RHBG: variants seen among roughly 807,000 people sequenced by gnomAD.
RHBG encodes the protein ammonium transporter Rh type B.
A neutral mutation model predicts 40.1 loss-of-function variants in RHBG; 39 were observed. That is an observed-to-expected ratio of 0.97 (90% CI 0.75 to 1.27). RHBG has a LOEUF of 1.27. Ranked by LOEUF, RHBG falls within the 50% of genes most tolerant of loss-of-function variation. RHBG has a pLI of 0.00. For synonymous variants in RHBG, 237 were observed against 252.5 expected (o/e 0.94, Z 0.58); for missense variants, 549 against 588.1 (o/e 0.93, Z 0.69).
rs1365517280 is a variant in RHBG at position 156,381,913 on chromosome 1, T to G, written c.948T>G (p.Thr316=). The change falls in exon 6 of 10, where the codon ACT becomes ACG. Residue 316 remains threonine (T), a synonymous_variant. Transcript: ENST00000537040. ...GALAAGFLAG[T]VSTLGYKFFT... ...TGGCAGCTGGCTTCTTGGCTGGGAC[T>G]GTCTCCACGCTGGGGTACAAGTTCT... The G allele has an allele frequency of 8.1e-6, 13 of 1,610,696 alleles. No homozygotes were observed. The highest frequency in any genetic ancestry group is 1.6e-4 in the Middle Eastern group (1 of 6,072).
chr1:156,382,718 C>T, intron 7 of RHBG, 30 bp from the exon 8 acceptor site: 1 of 1,613,454 alleles, frequency 6.2e-7, no homozygotes, highest in Non-Finnish European at 8.5e-7. Flanking sequence ...CTCCCTACCC[C>T]TGCCTTTCCT....
At chr1:156,384,319 T>G (rs1430490153) in intron 8 of RHBG, 7 of 646,176 alleles carry the variant, frequency 1.1e-5, no homozygotes, top group Admixed American at 4.9e-5. Flanking sequence ...AGGGTTGTTG[T>G]GATTACTCAG....
intron 8 of RHBG, 70 bp downstream of exon 8, chr1:156,382,939 CAT>C: frequency 6.3e-7 from 1 of 1,598,366 alleles, no homozygotes; most frequent in Non-Finnish European, 8.6e-7. Flanking sequence ...TTCATTCACT[CAT>C]AGATATTTAT....
intron 5 of RHBG, 99 bp from the exon 6 acceptor site, chr1:156,381,707 G>A (rs1667648974): frequency 2.0e-6 from 3 of 1,479,374 alleles, no homozygotes; most frequent in Admixed American, 4.6e-5. Context: ...GATGGCAGAG[G>A]GACTTCCAGA....
intron 4 of RHBG, 67 bp downstream of exon 4, chr1:156,378,466 G>T: frequency 1.3e-6 from 2 of 1,514,406 alleles, no homozygotes; most frequent in East Asian, 2.3e-5. Flanking sequence ...GGCCAGAGGT[G>T]ACTGTCTCTC....
chr1:156,370,990 A>G (rs1334830246), intron 1 of RHBG, among the ~76,000 whole-genome samples: 1 of 151,534 alleles, frequency 6.6e-6, no homozygotes, highest in East Asian at 2.0e-4. Flanking sequence ...AGAGCACCAG[A>G]TCTCCCAGAA....
intron 8 of RHBG, 50 bp downstream of exon 8, chr1:156,382,919 C>A: frequency 6.2e-7 from 1 of 1,611,214 alleles, no homozygotes; most frequent in Non-Finnish European, 8.5e-7. Flanking sequence ...TCCTATAAGC[C>A]TGACATGAAT....
At chr1:156,370,630 A>AG (rs1342972624) in intron 1 of RHBG, among the ~76,000 whole-genome samples, 7 of 150,612 alleles carry the variant, frequency 4.6e-5, no homozygotes, top group African/African-American at 1.7e-4. Context: ...AAAAAAAAAA[A>AG]AAAAAAAAAA....
At chr1:156,380,112 CTTTT>C (rs67037881) in intron 4 of RHBG, among the ~76,000 whole-genome samples, 1 of 130,116 alleles carries the variant, frequency 7.7e-6, no homozygotes, top group Non-Finnish European at 1.6e-5. Flanking sequence ...CTTTCTTTTT[CTTTT>C]TTTTTTTTTT....
Position 156,384,876 on chromosome 1 carries a change from C to T in RHBG, c.*31C>T. 1 of 1,436,598 alleles carries T rather than the reference C, an allele frequency of 7.0e-7. No homozygotes were observed. Among genetic ancestry groups the T allele is most frequent in the Non-Finnish European group, 9.7e-7 (1 of 1,030,362 alleles). 89.0% of individuals were successfully genotyped at this position (1,436,598 alleles called of 1,614,324 possible). A position where few individuals can be genotyped will look rare whatever the true frequency, so the allele number is the denominator to read the frequency against. ...TGCCAGCCCCTGAGAGGACACGCTC[C>T]TTTTCGAAGATGCTGACTGGCTGCT... is the stretch of plus-strand genomic sequence containing the variant. On this transcript the variant is annotated 3_prime_UTR_variant, in exon 10 of 10. Transcript: ENST00000537040.
At chr1:156,371,186 G>A (rs1475150713) in intron 1 of RHBG, 2 of 410,172 alleles carry the variant, frequency 4.9e-6, no homozygotes, top group Non-Finnish European at 9.4e-6. Flanking sequence ...TTTTAGAAGA[G>A]TCTCACTCTG....
rs746534841 is a variant in RHBG, at chr1:156,385,003, G to A, written c.*158G>A. 1.4e-5 allele frequency: 8 copies of A among 580,710 alleles called. No homozygotes were observed. Among genetic ancestry groups the A allele is most frequent in the Non-Finnish European group, 2.5e-5 (8 of 323,554 alleles). The allele number at this position is 580,710 out of a possible 1,614,324, so 36.0% of individuals were successfully genotyped here. A position where few individuals can be genotyped will look rare whatever the true frequency, so the allele number is the denominator to read the frequency against. Reference sequence around the variant, plus strand: ...ACAGGCAGCGTCTCCACAGGGAGAGGGGCAACAGGAGGCTGGGAAATGGTG... The same window carrying A: ...ACAGGCAGCGTCTCCACAGGGAGAGAGGCAACAGGAGGCTGGGAAATGGTG... On this transcript the variant is annotated 3_prime_UTR_variant, in exon 10 of 10. Transcript: ENST00000537040.
At chr1:156,375,156 C>T (rs1382810311) in intron 1 of RHBG, among the ~76,000 whole-genome samples, 3 of 152,004 alleles carry the variant, frequency 2.0e-5, no homozygotes, top group South Asian at 2.1e-4. Flanking sequence ...ACTGTAACCT[C>T]CACCTCCCGG....
rs1667050079 is a variant in RHBG at position 156,374,424 on chromosome 1, G to A, written c.188-2877G>A. ...CTATTCCCCCTTCCCCCACTCTTCT[G>A]TCTTTATTATCCTTTGTTCTACTTT... is the stretch of plus-strand genomic sequence containing the variant. On this transcript the variant is annotated intron_variant, in intron 1 of 9. Coordinates refer to ENST00000537040, the MANE Select transcript of RHBG (RefSeq NM_020407.5). Among the ~76,000 whole-genome samples the A allele has an allele frequency of 1.3e-5, 2 of 151,992 alleles. 1 individual carries two copies. Among genetic ancestry groups the A allele is most frequent in the South Asian group, 4.1e-4 (2 of 4,822 alleles).
In RHBG at chr1:156,369,358, A is replaced by C. The variant is rs567659313; in HGVS notation, c.109A>C (p.Asn37His). 231 of 1,614,142 alleles carry C rather than the reference A, an allele frequency of 1.4e-4. No homozygotes were observed. The East Asian group carries it at 3.6e-3, about 25-fold the overall frequency. The change falls in exon 1 of 10, where the codon AAC becomes CAC. Residue 37 changes from asparagine (N) to histidine (H), a missense_variant. Physicochemically the swap from Asn to His is moderately conservative, Grantham distance 68. Coordinates refer to ENST00000537040, the MANE Select transcript of RHBG (RefSeq NM_020407.5). ...CCTCTTTGCTGTCTTTGTCCGCTAC[A>C]ACCACAAAACCGACGCTGCCCTCTG... ...AVLFAVFVRYNHKTDAALWHR... is the reference protein window; with the variant it reads ...AVLFAVFVRYHHKTDAALWHR...
chr1:156,370,106 A>C (rs1013234144), intron 1 of RHBG, among the ~76,000 whole-genome samples: 1 of 152,100 alleles, frequency 6.6e-6, no homozygotes, highest in Non-Finnish European at 1.5e-5. Flanking sequence ...TGAGGTCAGG[A>C]GTTCAAGGCC....
intron 8 of RHBG, among the ~76,000 whole-genome samples, chr1:156,383,230 C>A (rs1467839258): frequency 6.6e-6 from 1 of 152,152 alleles, no homozygotes; most frequent in Non-Finnish European, 1.5e-5. Flanking sequence ...AGATGGCCTG[C>A]CACTTCCAGA....
chr1:156,384,372 T>G, intron 8 of RHBG, 155 bp from the exon 9 acceptor site: 1 of 748,830 alleles, frequency 1.3e-6, no homozygotes. Flanking sequence ...GCCTGGCACA[T>G]AGTAGATGCT....
In RHBG at chr1:156,381,443, C is replaced by T. The variant is rs1261405553; in HGVS notation, c.770C>T (p.Ser257Phe). The T allele has an allele frequency of 6.2e-7, 1 of 1,614,086 alleles. No homozygotes were observed. Among genetic ancestry groups the T allele is most frequent in the East Asian group, 2.2e-5 (1 of 44,866 alleles). The change falls in exon 5 of 10, where the codon TCC becomes TTC. Residue 257 changes from serine (S) to phenylalanine (F), a missense_variant. By Grantham distance (155) the Ser-to-Phe change is radical (BLOSUM62 -2). Coordinates refer to ENST00000537040, the MANE Select transcript of RHBG (RefSeq NM_020407.5). ...CGGACGGCCCTCAACACATACTACT[C>T]CCTGGCTGCCAGCACCCTTGGCACC... ...QHRTALNTYY[S>F]LAASTLGTFA...
Sources: gnomAD v4.1 joint callset for allele counts (sites outside exome capture counted in the v4.1 genomes callset) on GRCh38, gnomAD v4.1.1 for gene constraint, MANE v1.5 for transcripts, NCBI Gene and HGNC (gene_info 2026-07-23, HGNC 2026-07-21) for gene names.